PRXL2C: variants seen among roughly 807,000 people sequenced by gnomAD.
PRXL2C encodes peroxiredoxin-like 2C.
PRXL2C carries 38 observed loss-of-function variants against 24.9 expected under a neutral mutation model. That is an observed-to-expected ratio of 1.53 (90% CI 1.18 to 2.00). The LOEUF (loss-of-function observed/expected upper bound fraction) is 2.00, where lower values mean the gene tolerates loss of function less well. PRXL2C is among the 30% of genes most tolerant of loss of function. The probability of loss-of-function intolerance (pLI) is 0.00; values close to 1 mark genes in which losing one functional copy is unlikely to be tolerated. For synonymous variants in PRXL2C, 98 were observed against 117.2 expected, an observed-to-expected ratio of 0.84 and a Z score of 1.06; for missense variants, 294 against 290.9, an observed-to-expected ratio of 1.01 and a Z score of -0.08.
At position 96,654,600 on chromosome 9, in the gene PRXL2C, G is replaced by A; in HGVS notation, c.261+105C>T. ...GCGAGGGTGGAGAGAGCTGCGGGGA[G>A]GGGCAATCCAGGCTGCAAGTTCCGC... On this transcript the variant is annotated intron_variant, in intron 2 of 5. Transcript: ENST00000375234. The A allele has an allele frequency of 3.0e-6, 3 of 996,762 alleles. 1 individual carries two copies. The highest frequency in any genetic ancestry group is 2.9e-5 in the South Asian group (2 of 68,368). 61.7% of individuals were successfully genotyped at this position (996,762 alleles called of 1,614,324 possible).
At position 96,651,714 on chromosome 9, in the gene PRXL2C, T is replaced by C. The variant is rs762204983; in HGVS notation, c.262-2A>G. On this transcript the variant is annotated splice_acceptor_variant, in intron 2 of 5. Coordinates refer to ENST00000375234, the MANE Select transcript of PRXL2C (RefSeq NM_153698.2). LOFTEE classifies it high-confidence loss of function. The stretch of plus-strand genomic sequence containing the variant: ...CACTATAAGGGTGACATTTGCTTCC[T>C]TAGGAGAAAAAAAAGGACATGTATA... 3.7e-6 allele frequency: 6 copies of C among 1,605,670 alleles called. No homozygotes were observed. Among genetic ancestry groups the C allele is most frequent in the Non-Finnish European group, 5.1e-6 (6 of 1,175,782 alleles).
At chr9:96,652,988 G>A (rs1469281962) in intron 2 of PRXL2C, among the ~76,000 whole-genome samples, 1 of 152,182 alleles carries the variant, frequency 6.6e-6, no homozygotes, top group East Asian at 1.9e-4. Context: ...AGCACTTTGG[G>A]AGGCCAAGGC....
rs758163356 is a variant in PRXL2C, at chr9:96,651,355, CCAGTGTTTTCTATTTGAGA to C, written c.421+16_421+34del. On this transcript the variant is annotated intron_variant, in intron 4 of 5. Coordinates refer to ENST00000375234, the MANE Select transcript of PRXL2C (RefSeq NM_153698.2). The stretch of plus-strand genomic sequence containing the variant: ...TATACACAAATATGAACATACACCA[CCAGTGTTTTCTATTTGAGA>C]CATGTTATGTCTTACCTGAGGAAGC... The C allele has an allele frequency of 7.1e-7, 1 of 1,401,192 alleles. No homozygotes were observed. Among genetic ancestry groups the C allele is most frequent in the Non-Finnish European group, 1.0e-6 (1 of 997,458 alleles). The allele number at this position is 1,401,192 out of a possible 1,614,324, so 86.8% of individuals were successfully genotyped here.
rs764880329 is a variant in PRXL2C at position 96,652,955 on chromosome 9, C to T, written c.262-1243G>A. On this transcript the variant is annotated intron_variant, in intron 2 of 5. Coordinates refer to ENST00000375234, the MANE Select transcript of PRXL2C (RefSeq NM_153698.2). ...AAGAAAATGCGGTATCGGCCGGGCG[C>T]GGTGGCTCACGCCTGTAATCCCAGC... Among the ~76,000 whole-genome samples the T allele has an allele frequency of 2.0e-5, 3 of 151,988 alleles. No individual in the cohort carries two copies. The South Asian group carries it at 6.2e-4, about 32-fold the overall frequency.
In PRXL2C at chr9:96,654,704, C is replaced by G; in HGVS notation, c.261+1G>C. The G allele has an allele frequency of 6.4e-7, 1 of 1,561,190 alleles. No individual in the cohort carries two copies. Among genetic ancestry groups the G allele is most frequent in the African/African-American group, 1.4e-5 (1 of 73,890 alleles). On this transcript the variant is annotated splice_donor_variant, in intron 2 of 5. Coordinates refer to ENST00000375234, the MANE Select transcript of PRXL2C (RefSeq NM_153698.2). LOFTEE classifies it high-confidence loss of function. ...TGGGCCGCCCACGCTGGGAAACTCA[C>G]TTGTAAGAAACTCCTGGGGATTTTG...
chr9:96,644,123 C>T (rs972875520), intron 5 of PRXL2C, among the ~76,000 whole-genome samples: 1 of 135,780 alleles, frequency 7.4e-6, no homozygotes, highest in Non-Finnish European at 1.5e-5. Flanking sequence ...CAGAGCAAGG[C>T]TCTGTCTCAA....
chr9:96,644,878 A>ATTTTTTTTTTTT (rs1564408109), intron 5 of PRXL2C, among the ~76,000 whole-genome samples: 1 of 58,082 alleles, frequency 1.7e-5, no homozygotes, highest in African/African-American at 5.5e-5. Context: ...AACTACATGG[A>ATTTTTTTTTTTT]TTCTTTTTTT....
At chr9:96,645,613 C>T (rs1258203935) in intron 5 of PRXL2C, among the ~76,000 whole-genome samples, 1 of 151,630 alleles carries the variant, frequency 6.6e-6, no homozygotes, top group Non-Finnish European at 1.5e-5. Flanking sequence ...CTGGCTAACA[C>T]GGTGAAACCC....
At chr9:96,642,630 C>T (rs1848134698) in intron 5 of PRXL2C, among the ~76,000 whole-genome samples, 1 of 151,364 alleles carries the variant, frequency 6.6e-6, no homozygotes, top group African/African-American at 2.4e-5. Context: ...ACTGCAACCT[C>T]CGCCTTCTGG....
chr9:96,644,983 T>A (rs1848173416), intron 5 of PRXL2C, among the ~76,000 whole-genome samples: 1 of 131,044 alleles, frequency 7.6e-6, no homozygotes, highest in Non-Finnish European at 1.6e-5. Context: ...CTCGGCGCAC[T>A]GCAAGCTCCG....
chr9:96,655,030 C>T, intron 1 of PRXL2C, 60 bp downstream of exon 1: 1 of 1,425,788 alleles, frequency 7.0e-7, no homozygotes, highest in Non-Finnish European at 9.1e-7. Flanking sequence ...CGGCTCGCAT[C>T]CCGGCAGCCT....
At chr9:96,643,604 G>A (rs1220734781) in intron 5 of PRXL2C, among the ~76,000 whole-genome samples, 1 of 152,164 alleles carries the variant, frequency 6.6e-6, no homozygotes, top group Non-Finnish European at 1.5e-5. Context: ...GAGACATGGA[G>A]ATAAGGGACT....
At chr9:96,649,920 T>C (rs1848247719) in intron 4 of PRXL2C, among the ~76,000 whole-genome samples, 1 of 152,222 alleles carries the variant, frequency 6.6e-6, no homozygotes. Flanking sequence ...TAACTGGGTC[T>C]TACACTCTGG....
rs754520060 is a variant in PRXL2C, at chr9:96,643,408, G to A, written c.554-1522C>T. Among the ~76,000 whole-genome samples the A allele has an allele frequency of 5.3e-4, 80 of 152,144 alleles. 1 individual carries two copies. The highest frequency in any genetic ancestry group is 3.4e-3 in the Middle Eastern group (1 of 294). On this transcript the variant is annotated intron_variant, in intron 5 of 5. Coordinates refer to ENST00000375234, the MANE Select transcript of PRXL2C (RefSeq NM_153698.2). ...ACTACAGGTGCATGCCACCATACCC[G>A]GCTAATTTTTTATATTTTTAGTAGA...
chr9:96,654,922 G>C lies in PRXL2C; in HGVS notation c.193-149C>G, dbSNP rs918711150. 7.5e-5 allele frequency: 89 copies of C among 1,191,980 alleles called. 1 individual carries two copies. The African/African-American group carries it at 1.2e-3, about 16-fold the overall frequency. The allele number at this position is 1,191,980 out of a possible 1,614,324, so 73.8% of individuals were successfully genotyped here. A position where few individuals can be genotyped will look rare whatever the true frequency, so the allele number is the denominator to read the frequency against. On this transcript the variant is annotated intron_variant, in intron 1 of 5. Transcript: ENST00000375234. ...CTCGGGCGCCCGGCGCGTGGGAAGC[G>C]GGCCTCGCCCTCGCCCTCTCCCTGC...
intron 2 of PRXL2C, 56 bp downstream of exon 2, chr9:96,654,649 C>G (rs1848323275): frequency 1.3e-6 from 2 of 1,513,862 alleles, no homozygotes; most frequent in Non-Finnish European, 1.8e-6. Context: ...CCTCCCCCGC[C>G]CCGCTCGCAA....
rs897617997 is a variant in PRXL2C at position 96,646,112 on chromosome 9, C to A, written c.422-88G>T. 5 of 1,362,818 alleles carry A rather than the reference C, an allele frequency of 3.7e-6. No homozygotes were observed. In the African/African-American group the frequency reaches 6.0e-5, roughly 16 times the overall value. 84.4% of individuals were successfully genotyped at this position (1,362,818 alleles called of 1,614,324 possible). A position where few individuals can be genotyped will look rare whatever the true frequency, so the allele number is the denominator to read the frequency against. ...TGTATTTCTAGAAAACATTCTCTTT[C>A]TTCCTTTAAAGAATGGTTTCTCAAT... is the stretch of plus-strand genomic sequence containing the variant. On this transcript the variant is annotated intron_variant, in intron 4 of 5. Coordinates refer to ENST00000375234, the MANE Select transcript of PRXL2C (RefSeq NM_153698.2).
chr9:96,644,881 CTTTTTTTTTTTTTTTTTTTT>C (rs530343244), intron 5 of PRXL2C, among the ~76,000 whole-genome samples: 733 of 36,780 alleles, frequency 0.02, 28 homozygotes, highest in Admixed American at 0.047. Flanking sequence ...TACATGGATT[CTTTTTTTTTTTTTTTTTTTT>C]TTTTTTTTTT....
intron 5 of PRXL2C, among the ~76,000 whole-genome samples, chr9:96,644,131 CAAAAA>C (rs541207643): frequency 1.7e-5 from 1 of 58,280 alleles, no homozygotes. Context: ...GGCTCTGTCT[CAAAAA>C]AAAAAAAAAA....
Sources: gnomAD v4.1 joint callset for allele counts (sites outside exome capture counted in the v4.1 genomes callset) on GRCh38, gnomAD v4.1.1 for gene constraint, MANE v1.5 for transcripts, NCBI Gene and HGNC (gene_info 2026-07-23, HGNC 2026-07-21) for gene names.